PPEF2: variants seen among roughly 807,000 people sequenced by gnomAD.
The protein encoded by PPEF2 is protein phosphatase with EF-hand domain 2.
PPEF2 carries 84 observed loss-of-function variants against 84.7 expected under a neutral mutation model. That is an observed-to-expected ratio of 0.99 (90% CI 0.83 to 1.19). The LOEUF is 1.19. Among genes scored for constraint, PPEF2 ranks in the 50% most tolerant of loss-of-function variants. PPEF2 has a pLI of 0.00. For missense variants in PPEF2, 924 were observed against 937.5 expected (o/e 0.99, Z 0.19); for synonymous variants, 346 against 345.2 (o/e 1.00, Z -0.03).
rs1490284022 is a variant in PPEF2, at chr4:75,860,653, A to G, written c.*14T>C. On this transcript the variant is annotated 3_prime_UTR_variant, in exon 17 of 17. Transcript: ENST00000286719. ...GCCTATGAGGCACTTTGGGTGATGAAGACCAGGCTGTTCTTAGTGTGCACC... is the reference window on the plus strand; with the variant it reads ...GCCTATGAGGCACTTTGGGTGATGAGGACCAGGCTGTTCTTAGTGTGCACC... 1 of 1,613,000 alleles carries G rather than the reference A, an allele frequency of 6.2e-7. No individual in the cohort carries two copies. Among genetic ancestry groups the G allele is most frequent in the South Asian group, 1.1e-5 (1 of 91,042 alleles).
chr4:75,888,093 G>A, intron 6 of PPEF2, 121 bp downstream of exon 6: 3 of 723,740 alleles, frequency 4.1e-6, no homozygotes, highest in Non-Finnish European at 7.4e-6. Context: ...TGGACCTGAA[G>A]GGGTTAAATT....
chr4:75,881,939 T>C (rs943338362), intron 10 of PPEF2: 7 of 152,236 alleles, frequency 4.6e-5, no homozygotes, highest in African/African-American at 1.4e-4. Context: ...TCCCTGTCTT[T>C]GGAACTTCCC....
chr4:75,869,106 T>TCTG (rs1724204749), intron 13 of PPEF2, among the ~76,000 whole-genome samples: 1 of 152,190 alleles, frequency 6.6e-6, no homozygotes, highest in Admixed American at 6.5e-5. Context: ...CAGTTTGTTG[T>TCTG]TTTATCAGAG....
chr4:75,898,382 C>T (rs1422364419), intron 1 of PPEF2, among the ~76,000 whole-genome samples: 1 of 152,220 alleles, frequency 6.6e-6, no homozygotes, highest in African/African-American at 2.4e-5. Context: ...ACTACCATGA[C>T]CTCTGTGTTT....
At chr4:75,886,633 T>C (rs1360337074) in intron 7 of PPEF2, among the ~76,000 whole-genome samples, 1 of 152,074 alleles carries the variant, frequency 6.6e-6, no homozygotes, top group Non-Finnish European at 1.5e-5. Flanking sequence ...GGTGGGAGGA[T>C]TGCTTGAACC....
At chr4:75,883,456 G>C (rs1724631334) in intron 8 of PPEF2, 1 of 508,116 alleles carries the variant, frequency 2.0e-6, no homozygotes, top group African/African-American at 1.9e-5. Context: ...TTATTTATAT[G>C]ATAGAGTATG....
intron 1 of PPEF2, among the ~76,000 whole-genome samples, chr4:75,896,970 C>T (rs1027931802): frequency 5.9e-5 from 9 of 152,070 alleles, no homozygotes; most frequent in Non-Finnish European, 8.8e-5. Flanking sequence ...CTGCGAGCTC[C>T]GCCTCCTGGG....
At position 75,873,194 on chromosome 4, in the gene PPEF2, T is replaced by C. The variant is rs551370338; in HGVS notation, c.1439A>G (p.Asn480Ser). The C allele has an allele frequency of 4.9e-5, 79 of 1,614,114 alleles. No individual in the cohort carries two copies. The South Asian group carries it at 8.5e-4, about 17-fold the overall frequency. Residue 480 changes from asparagine to serine, a missense_variant, in exon 12 of 17, where the codon AAC (asparagine) becomes AGC (serine). Physicochemically the swap from Asn to Ser is conservative, Grantham distance 46. Coordinates refer to ENST00000286719, the MANE Select transcript of PPEF2 (RefSeq NM_006239.3). ...ATGTGAACGGATCAGGAATTGCATG[T>C]TGTATTTTTGTAGCAACTGTTGTGT... ...DVTQQLLQKY[N>S]MQFLIRSHEC...
At chr4:75,862,754 A>T (rs1724037734) in intron 16 of PPEF2, among the ~76,000 whole-genome samples, 1 of 152,204 alleles carries the variant, frequency 6.6e-6, no homozygotes, top group Non-Finnish European at 1.5e-5. Flanking sequence ...TTCCTCAAAA[A>T]GTTAAACATA....
intron 8 of PPEF2, 136 bp from the exon 9 acceptor site, chr4:75,883,338 A>G: frequency 1.3e-6 from 1 of 749,552 alleles, no homozygotes; most frequent in East Asian, 2.6e-5. Flanking sequence ...AATAATCACC[A>G]AAATGTTTAA....
chr4:75,874,829 C>T lies in PPEF2; in HGVS notation c.1320+1458G>A, dbSNP rs72651339. Among the ~76,000 whole-genome samples the T allele has an allele frequency of 1.7e-3, 259 of 152,222 alleles. 1 individual carries two copies. The highest frequency in any genetic ancestry group is 3.4e-3 in the Middle Eastern group (1 of 294). ...AGAGTCAGCTGCAACTTCTCTTTCTCACTACCCTCCATCCAATCAATCAGC... is the reference window on the plus strand; with the variant it reads ...AGAGTCAGCTGCAACTTCTCTTTCTTACTACCCTCCATCCAATCAATCAGC... On this transcript the variant is annotated intron_variant, in intron 11 of 16. Coordinates refer to ENST00000286719, the MANE Select transcript of PPEF2 (RefSeq NM_006239.3).
In PPEF2 at chr4:75,876,177, C is replaced by A. The variant is rs538627533; in HGVS notation, c.1320+110G>T. Reference sequence around the variant, plus strand: ...CTAGTGTCCTTCTGGGGTGTTGTTACCCCAGAAAGAGAAAGAGGGGCCTCA... The same window carrying A: ...CTAGTGTCCTTCTGGGGTGTTGTTAACCCAGAAAGAGAAAGAGGGGCCTCA... On this transcript the variant is annotated intron_variant, in intron 11 of 16. Coordinates refer to ENST00000286719, the MANE Select transcript of PPEF2 (RefSeq NM_006239.3). The A allele has an allele frequency of 5.5e-5, 51 of 926,454 alleles. No individual in the cohort carries two copies. The South Asian group carries it at 7.9e-4, about 14-fold the overall frequency. The allele number at this position is 926,454 out of a possible 1,614,324, so 57.4% of individuals were successfully genotyped here. A position where few individuals can be genotyped will look rare whatever the true frequency, so the allele number is the denominator to read the frequency against.
chr4:75,892,512 A>G (rs775832739), intron 2 of PPEF2, among the ~76,000 whole-genome samples: 24 of 151,698 alleles, frequency 1.6e-4, no homozygotes, highest in Non-Finnish European at 1.9e-4. Context: ...GATGAAGACT[A>G]GGAAAAGCAA....
chr4:75,873,341 C>A, intron 11 of PPEF2, 29 bp from the exon 12 acceptor site: 1 of 1,558,212 alleles, frequency 6.4e-7, no homozygotes, highest in Non-Finnish European at 8.7e-7. Flanking sequence ...GATTTCCTTC[C>A]CAAAAACTAG....
intron 8 of PPEF2, among the ~76,000 whole-genome samples, chr4:75,884,164 C>T (rs1724658117): frequency 6.6e-6 from 1 of 151,756 alleles, no homozygotes; most frequent in Non-Finnish European, 1.5e-5. Flanking sequence ...TGCGGTGGCT[C>T]ACGTCTGTAA....
intron 5 of PPEF2, 58 bp from the exon 6 acceptor site, chr4:75,888,386 T>C: frequency 2.2e-6 from 3 of 1,341,888 alleles, no homozygotes; most frequent in South Asian, 2.4e-5. Context: ...TGAGGGAAAA[T>C]GGTCCTTACC....
At chr4:75,898,032 C>T (rs561693841) in intron 1 of PPEF2, among the ~76,000 whole-genome samples, 6 of 152,158 alleles carry the variant, frequency 3.9e-5, no homozygotes, top group Non-Finnish European at 8.8e-5. Flanking sequence ...TAAAAGTATC[C>T]CTTATGGGAA....
Position 75,876,606 on chromosome 4 carries a change from GCTCTT to G in PPEF2, c.996_1000del (p.Arg332SerfsTer93), listed in dbSNP as rs1372719355. 1.9e-6 allele frequency: 3 copies of G among 1,606,716 alleles called. No homozygotes were observed. Among genetic ancestry groups the G allele is most frequent in the Admixed American group, 1.7e-5 (1 of 58,524 alleles). On this transcript the variant is annotated frameshift_variant, in exon 11 of 17. Coordinates refer to ENST00000286719, the MANE Select transcript of PPEF2 (RefSeq NM_006239.3). LOFTEE classifies it high-confidence loss of function. ...TCCCTGTGCAGAGCTCTTCTGGTTGGCTCTTCTCTTCTCCTCCATCTGCTTCTCAC... is the reference window on the plus strand; with the variant it reads ...TCCCTGTGCAGAGCTCTTCTGGTTGGCTCTTCTCCTCCATCTGCTTCTCAC...
chr4:75,884,587 C>T lies in PPEF2; in HGVS notation c.746+7G>A. 1 of 1,583,780 alleles carries T rather than the reference C, an allele frequency of 6.3e-7. No individual in the cohort carries two copies. Among genetic ancestry groups the T allele is most frequent in the Non-Finnish European group, 8.6e-7 (1 of 1,169,072 alleles). The stretch of plus-strand genomic sequence containing the variant: ...CATCAAATACTCAAGCATGTTTTGA[C>T]TTGTACCGTAAGTTCACCATATGGT... On this transcript the variant is annotated splice_region_variant and intron_variant, in intron 8 of 16. Coordinates refer to ENST00000286719, the MANE Select transcript of PPEF2 (RefSeq NM_006239.3).
Sources: allele counts gnomAD v4.1 joint callset (sites outside exome capture counted in the v4.1 genomes callset), GRCh38; gene constraint gnomAD v4.1.1; transcripts MANE v1.5; gene names NCBI Gene and HGNC (gene_info 2026-07-23, HGNC 2026-07-21).